Variants in TMEM131 observed in about 807,000 individuals in gnomAD.
TMEM131 encodes 2610524E03Rik.
A neutral mutation model predicts 211.6 loss-of-function variants in TMEM131; 66 were observed. The ratio of observed to expected loss-of-function variants is 0.31; its 90% CI spans 0.26 to 0.38. The LOEUF (loss-of-function observed/expected upper bound fraction) is 0.38. Among genes scored for constraint, TMEM131 ranks in the 10% least tolerant of loss-of-function variants. The probability of loss-of-function intolerance (pLI) is 1.00; values close to 1 mark genes in which losing one functional copy is unlikely to be tolerated. For synonymous variants in TMEM131, 844 were observed against 841.3 expected, an observed-to-expected ratio of 1.00 and a Z score of -0.06; for missense variants, 2,036 against 2,299.3, an observed-to-expected ratio of 0.89 and a Z score of 2.34.
chr2:97,831,452 T>C (rs1469942376), intron 11 of TMEM131, among the ~76,000 whole-genome samples: 1 of 152,032 alleles, frequency 6.6e-6, no homozygotes, highest in African/African-American at 2.4e-5. Context: ...AAGGCGGGAA[T>C]AAGAGAAAAC....
In TMEM131 at chr2:97,775,891, G is replaced by C. The variant is rs953285321; in HGVS notation, c.4272C>G (p.Ser1424=). Residue 1424 remains serine, a synonymous_variant, in exon 32 of 41, where the codon TCC becomes TCG. Coordinates refer to ENST00000186436, the MANE Select transcript of TMEM131 (RefSeq NM_015348.2). ...KDSLADDDSS[S]TTTETSNPDT... The stretch of plus-strand genomic sequence containing the variant: ...CAGGGTTGGAGGTCTCTGTGGTGGT[G>C]GAGGAGCTATCATCATCAGCCAAAG... 3 of 1,613,836 alleles carry C rather than the reference G, an allele frequency of 1.9e-6. No homozygotes were observed. The African/African-American group carries it at 4.0e-5, about 22-fold the overall frequency.
At chr2:97,911,363 T>A (rs1303717318) in intron 2 of TMEM131, among the ~76,000 whole-genome samples, 2 of 152,246 alleles carry the variant, frequency 1.3e-5, no homozygotes, top group African/African-American at 4.8e-5. Context: ...TTATCTTGAT[T>A]GTAGTAATAA....
chr2:97,916,631 G>A (rs1314171326), intron 2 of TMEM131, among the ~76,000 whole-genome samples: 1 of 152,180 alleles, frequency 6.6e-6, no homozygotes, highest in African/African-American at 2.4e-5. Flanking sequence ...TTTGTTTGCA[G>A]AGAGAAAAAT....
chr2:97,801,040 T>C (rs543702792), intron 25 of TMEM131, among the ~76,000 whole-genome samples: 1 of 152,362 alleles, frequency 6.6e-6, no homozygotes, highest in African/African-American at 2.4e-5. Flanking sequence ...CTAATAAGGA[T>C]TGGGCTAATA....
chr2:97,946,664 G>A (rs1678058016), intron 1 of TMEM131, among the ~76,000 whole-genome samples: 1 of 151,122 alleles, frequency 6.6e-6, no homozygotes, highest in Non-Finnish European at 1.5e-5. Flanking sequence ...AATATTTAAG[G>A]GGAAAAAAAA....
At chr2:97,815,130 C>A in intron 13 of TMEM131, 69 bp downstream of exon 13, 1 of 845,028 alleles carries the variant, frequency 1.2e-6, no homozygotes, top group Non-Finnish European at 1.7e-6. Context: ...TTCTGCAGGT[C>A]ATTTAGCAGG....
At chr2:97,889,733 T>C (rs1368910314) in intron 3 of TMEM131, among the ~76,000 whole-genome samples, 1 of 152,068 alleles carries the variant, frequency 6.6e-6, no homozygotes, top group Non-Finnish European at 1.5e-5. Context: ...AATGGAAATG[T>C]CTAAAGTGGC....
intron 1 of TMEM131, among the ~76,000 whole-genome samples, chr2:97,930,727 A>G (rs1406805059): frequency 2.6e-5 from 4 of 151,882 alleles, no homozygotes; most frequent in Non-Finnish European, 4.4e-5. Context: ...AAATGTAACA[A>G]AAGTCAGTCA....
chr2:97,763,884 C>T (rs1050454053), intron 35 of TMEM131: 1 of 152,326 alleles, frequency 6.6e-6, no homozygotes. Flanking sequence ...GCAAAAGCCC[C>T]TACTGAACAG....
intron 1 of TMEM131, among the ~76,000 whole-genome samples, chr2:97,952,021 G>T (rs1396500248): frequency 6.6e-6 from 1 of 152,088 alleles, no homozygotes; most frequent in Non-Finnish European, 1.5e-5. Context: ...GCCAGGTGTG[G>T]TGGCGCACGC....
Position 97,859,395 on chromosome 2 carries a change from T to C in TMEM131, c.392A>G (p.Tyr131Cys). ...TTCTTCAGAACTAGGATTATGTAAG[T>C]AGACTTTTTCCATTTTTGGCATTCC... ...PVGMPKMEKV[Y>C]LHNPSSEETI... is the part of the protein sequence containing the mutation. The change falls in exon 5 of 41, where the codon TAC becomes TGC. Residue 131 changes from tyrosine (Y) to cysteine (C), a missense_variant. Tyr to Cys is a radical substitution (Grantham distance 194). Transcript: ENST00000186436. The C allele has an allele frequency of 1.3e-6, 2 of 1,592,150 alleles. No homozygotes were observed. The highest frequency in any genetic ancestry group is 1.4e-5 in the African/African-American group (1 of 73,818).
chr2:97,766,944 C>A (rs1679196886), intron 33 of TMEM131, among the ~76,000 whole-genome samples: 1 of 152,298 alleles, frequency 6.6e-6, no homozygotes, highest in East Asian at 1.9e-4. Flanking sequence ...CTGCTCAGGG[C>A]TGGAAGTGCG....
chr2:97,979,185 C>T (rs1679677459), intron 1 of TMEM131, among the ~76,000 whole-genome samples: 1 of 152,196 alleles, frequency 6.6e-6, no homozygotes, highest in Non-Finnish European at 1.5e-5. Context: ...GTCATTCAGG[C>T]TTTCTTGTTC....
intron 4 of TMEM131, among the ~76,000 whole-genome samples, chr2:97,872,399 C>A (rs1483005043): frequency 3.3e-5 from 5 of 152,120 alleles, no homozygotes; most frequent in Admixed American, 2.0e-4. Context: ...CCTTCTCTCT[C>A]GGAGCTAGTG....
chr2:97,888,677 C>G (rs1465142985), intron 3 of TMEM131, among the ~76,000 whole-genome samples: 1 of 152,166 alleles, frequency 6.6e-6, no homozygotes, highest in Admixed American at 6.5e-5. Context: ...AACTAACCCA[C>G]CTGATACCAG....
chr2:97,951,344 T>C (rs1474355566), intron 1 of TMEM131, among the ~76,000 whole-genome samples: 1 of 152,276 alleles, frequency 6.6e-6, no homozygotes, highest in East Asian at 1.9e-4. Context: ...TAGCTTCTGG[T>C]GCCACACAGC....
chr2:97,817,365 A>G (rs2104989265), intron 12 of TMEM131, among the ~76,000 whole-genome samples: 1 of 152,238 alleles, frequency 6.6e-6, no homozygotes, highest in African/African-American at 2.4e-5. Flanking sequence ...AGGCAGCCAG[A>G]TCACCTGAGG....
At chr2:97,761,039 G>C in intron 36 of TMEM131, 125 bp from the exon 37 acceptor site, 1 of 1,307,850 alleles carries the variant, frequency 7.6e-7, no homozygotes, top group Non-Finnish European at 1.1e-6. Flanking sequence ...ACAGAGCATC[G>C]CTCAGCCTCA....
intron 1 of TMEM131, among the ~76,000 whole-genome samples, chr2:97,979,500 T>C (rs1017038091): frequency 6.6e-6 from 1 of 152,242 alleles, no homozygotes; most frequent in African/African-American, 2.4e-5. Context: ...CTGCAACTTG[T>C]ACATCGGCAC....
Sources: gnomAD v4.1 joint callset for allele counts (sites outside exome capture counted in the v4.1 genomes callset) on GRCh38, gnomAD v4.1.1 for gene constraint, MANE v1.5 for transcripts, NCBI Gene and HGNC (gene_info 2026-07-23, HGNC 2026-07-21) for gene names.